CTNND2: variants seen among roughly 807,000 people sequenced by gnomAD.
CTNND2 encodes the protein catenin delta-2.
A neutral mutation model predicts 144.4 loss-of-function variants in CTNND2; 22 were observed. The ratio of observed to expected loss-of-function variants is 0.15; its 90% CI spans 0.11 to 0.22. The LOEUF (loss-of-function observed/expected upper bound fraction) is 0.22. Ranked by LOEUF, CTNND2 falls within the 10% of genes least tolerant of loss-of-function variation. CTNND2 has a pLI of 1.00. For missense variants in CTNND2, 1,353 were observed against 1,618.8 expected (o/e 0.84, Z 2.82); for synonymous variants, 751 against 695.6 (o/e 1.08, Z -1.25).
At chr5:11,750,767 TTAGC>T (rs1788568210) in intron 1 of CTNND2, among the ~76,000 whole-genome samples, 1 of 151,710 alleles carries the variant, frequency 6.6e-6, no homozygotes, top group Admixed American at 6.6e-5. Flanking sequence ...TGACTAGACA[TTAGC>T]TAGTCTAGAC....
At chr5:11,873,696 A>G (rs1735333852) in intron 1 of CTNND2, among the ~76,000 whole-genome samples, 1 of 152,240 alleles carries the variant, frequency 6.6e-6, no homozygotes, top group South Asian at 2.1e-4. Context: ...ATACCAAAGC[A>G]GCTACCCTGC....
chr5:11,145,193 C>G (rs1757126359), intron 12 of CTNND2, among the ~76,000 whole-genome samples: 1 of 152,056 alleles, frequency 6.6e-6, no homozygotes. Context: ...TTCAGTAGGA[C>G]TAAGTACATT....
Position 11,177,202 on chromosome 5 carries a change from A to T in CTNND2, c.1976-17443T>A, listed in dbSNP as rs561164497. 6.6e-5 allele frequency among the ~76,000 whole-genome samples: 10 copies of T among 152,292 alleles called. No homozygotes were observed. The South Asian group carries it at 1.7e-3, about 25-fold the overall frequency. On this transcript the variant is annotated intron_variant, in intron 11 of 21. Coordinates refer to ENST00000304623, the MANE Select transcript of CTNND2 (RefSeq NM_001332.4). ...CAATGCACTCAGGTTCTCAGCAGGG[A>T]CTATATAAGTTGATGGTAAGGCCCC...
chr5:11,648,601 A>G (rs1471530204), intron 2 of CTNND2, among the ~76,000 whole-genome samples: 3 of 152,192 alleles, frequency 2.0e-5, no homozygotes, highest in Admixed American at 6.5e-5. Context: ...GTTTTGCTAT[A>G]AAGTTACATT....
chr5:11,096,803 C>CAGAGAG lies in CTNND2; in HGVS notation c.2637+1766_2637+1771dup, dbSNP rs375930798. ...AGGGAGGGAGGAAGAGAGAGAGAGACAGAGAGAGAGAGAGAGAGAGAAACA... is the reference window on the plus strand; with the variant it reads ...AGGGAGGGAGGAAGAGAGAGAGAGACAGAGAGAGAGAGAGAGAGAGAGAGAGAAACA... On this transcript the variant is annotated intron_variant, in intron 15 of 21. Transcript: ENST00000304623. 4.6e-4 allele frequency among the ~76,000 whole-genome samples: 68 copies of CAGAGAG among 149,070 alleles called. 1 individual carries two copies. The highest frequency in any genetic ancestry group is 1.9e-3 in the South Asian group (9 of 4,702).
At chr5:11,353,059 A>G (rs1474303172) in intron 8 of CTNND2, among the ~76,000 whole-genome samples, 1 of 140,646 alleles carries the variant, frequency 7.1e-6, no homozygotes, top group Non-Finnish European at 1.5e-5. Context: ...GATGATACAC[A>G]GTCTTTTTTT....
chr5:11,828,500 G>A (rs538400402), intron 1 of CTNND2, among the ~76,000 whole-genome samples: 4 of 152,084 alleles, frequency 2.6e-5, no homozygotes, highest in Non-Finnish European at 5.9e-5. Flanking sequence ...ACTGGACTCC[G>A]GCCTGGGCAA....
At chr5:11,360,550 C>T (rs533893840) in intron 8 of CTNND2, among the ~76,000 whole-genome samples, 1 of 152,226 alleles carries the variant, frequency 6.6e-6, no homozygotes, top group South Asian at 2.1e-4. Context: ...GAGGAGTGAT[C>T]ACACTCATAC....
intron 2 of CTNND2, among the ~76,000 whole-genome samples, chr5:11,569,507 A>C (rs1340298695): frequency 6.6e-6 from 1 of 152,206 alleles, no homozygotes; most frequent in Admixed American, 6.5e-5. Flanking sequence ...TGGTTTAATT[A>C]AATGGAGTTT....
chr5:11,742,322 C>G (rs10474933), intron 1 of CTNND2, among the ~76,000 whole-genome samples: 132,715 of 152,076 alleles, frequency 0.87, 60,303 homozygotes, highest in Non-Finnish European at 1. Flanking sequence ...ACATTTATAA[C>G]TCTTCTCTCA....
chr5:10,986,799 G>C (rs1738017449), intron 20 of CTNND2: 2 of 384,076 alleles, frequency 5.2e-6, no homozygotes, highest in African/African-American at 4.3e-5. Context: ...CAGCTGAGCA[G>C]AGTTAACACG....
chr5:11,290,912 T>C (rs1420746326), intron 9 of CTNND2, among the ~76,000 whole-genome samples: 1 of 152,184 alleles, frequency 6.6e-6, no homozygotes, highest in Non-Finnish European at 1.5e-5. Context: ...CAGCTGGCTT[T>C]GTGAAGTTTA....
intron 16 of CTNND2, among the ~76,000 whole-genome samples, chr5:11,045,865 C>T (rs1745191764): frequency 6.6e-6 from 1 of 152,168 alleles, no homozygotes. Flanking sequence ...CCTCCTTTAT[C>T]TTAAAGAATG....
chr5:11,844,013 A>T (rs892303000), intron 1 of CTNND2, among the ~76,000 whole-genome samples: 1 of 152,236 alleles, frequency 6.6e-6, no homozygotes, highest in Non-Finnish European at 1.5e-5. Flanking sequence ...AAGAGAATTC[A>T]GTCTGAGTCC....
chr5:11,034,085 C>T (rs1297682930), intron 16 of CTNND2, among the ~76,000 whole-genome samples: 1 of 152,122 alleles, frequency 6.6e-6, no homozygotes, highest in Non-Finnish European at 1.5e-5. Context: ...GCAGTATTTT[C>T]AGGTAAAGGA....
chr5:11,783,487 C>T (rs1790659667), intron 1 of CTNND2, among the ~76,000 whole-genome samples: 1 of 152,156 alleles, frequency 6.6e-6, no homozygotes. Flanking sequence ...TGTGCTTCCG[C>T]ATCGGGATTC....
intron 11 of CTNND2, among the ~76,000 whole-genome samples, chr5:11,165,922 G>A (rs992087507): frequency 1.3e-4 from 20 of 152,278 alleles, no homozygotes; most frequent in Middle Eastern, 3.4e-3. Flanking sequence ...ATAAAAGCAA[G>A]TTTTAAATGA....
intron 13 of CTNND2, 118 bp from the exon 14 acceptor site, chr5:11,111,161 T>TTTCAGAA: frequency 9.0e-7 from 1 of 1,111,798 alleles, no homozygotes; most frequent in Non-Finnish European, 1.3e-6. Flanking sequence ...AGTGTTTAGC[T>TTTCAGAA]GCCAGCTTCT....
intron 16 of CTNND2, among the ~76,000 whole-genome samples, chr5:11,067,986 T>C (rs937921480): frequency 1.1e-4 from 17 of 152,234 alleles, no homozygotes; most frequent in African/African-American, 3.9e-4. Flanking sequence ...CAATGTTGGC[T>C]GAAGTTGGCT....
Sources: gnomAD v4.1 joint callset for allele counts (sites outside exome capture counted in the v4.1 genomes callset) on GRCh38, gnomAD v4.1.1 for gene constraint, MANE v1.5 for transcripts, NCBI Gene and HGNC (gene_info 2026-07-23, HGNC 2026-07-21) for gene names.